Variants in TCF20 observed in about 807,000 individuals in gnomAD.
TCF20 encodes transcription factor 20.
Under a neutral mutation model 148.6 loss-of-function variants are expected in TCF20, and 3 were observed. The observed-to-expected ratio is 0.02, with a 90% CI of 0.01 to 0.05. TCF20 has a LOEUF of 0.05. Among genes scored for constraint, TCF20 ranks in the 10% least tolerant of loss-of-function variants. The pLI, the probability that TCF20 is intolerant of heterozygous loss-of-function variation, is 1.00. For missense variants in TCF20, 2,350 were observed against 2,429.3 expected (o/e 0.97, Z 0.69); for synonymous variants, 1,049 against 909.5 (o/e 1.15, Z -2.76).
At chr22:42,222,604 G>C (rs2147251081) in intron 1 of TCF20, among the ~76,000 whole-genome samples, 2 of 151,952 alleles carry the variant, frequency 1.3e-5, no homozygotes, top group Middle Eastern at 3.4e-3. Flanking sequence ...CTCTCACCTT[G>C]GTCTCAACTT....
intron 2 of TCF20, among the ~76,000 whole-genome samples, chr22:42,195,246 G>A (rs1478898516): frequency 2.0e-5 from 3 of 151,186 alleles, no homozygotes; most frequent in Non-Finnish European, 4.4e-5. Flanking sequence ...TGAAACTCAT[G>A]AACAACAAAG....
chr22:42,226,693 A>C (rs1922932015), intron 1 of TCF20, among the ~76,000 whole-genome samples: 1 of 152,222 alleles, frequency 6.6e-6, no homozygotes. Context: ...TGGGTGACAG[A>C]GTGAGATTCT....
intron 2 of TCF20, among the ~76,000 whole-genome samples, chr22:42,193,038 G>T (rs148992782): frequency 4.3e-4 from 66 of 152,236 alleles, no homozygotes; most frequent in African/African-American, 1.4e-3. Context: ...GAAAGTTTTA[G>T]AACTATTGGT....
At chr22:42,201,152 T>TC (rs1171365663) in intron 2 of TCF20, among the ~76,000 whole-genome samples, 1 of 152,108 alleles carries the variant, frequency 6.6e-6, no homozygotes, top group Non-Finnish European at 1.5e-5. Flanking sequence ...CCCCTCTACC[T>TC]CCCTCCATGA....
chr22:42,284,456 G>A (rs942378090), upstream of TCF20, among the ~76,000 whole-genome samples: 4 of 152,206 alleles, frequency 2.6e-5, no homozygotes, highest in Non-Finnish European at 5.9e-5. Flanking sequence ...GACCAGAGAG[G>A]GCTGCATTTT....
chr22:42,283,985 T>A (rs1926972728), exon 1 of TCF20, among the ~76,000 whole-genome samples: 1 of 152,150 alleles, frequency 6.6e-6, no homozygotes, highest in African/African-American at 2.4e-5. Context: ...GCTCTCAGCC[T>A]CCTCGCGGCT....
chr22:42,174,773 C>G (rs752972540), intron 3 of TCF20, among the ~76,000 whole-genome samples: 1 of 151,714 alleles, frequency 6.6e-6, no homozygotes, highest in Admixed American at 6.6e-5. Flanking sequence ...CGGTGGCTCA[C>G]GCCTGTAATC....
intron 1 of TCF20, among the ~76,000 whole-genome samples, chr22:42,310,842 C>T (rs889723145): frequency 9.2e-5 from 14 of 152,196 alleles, no homozygotes; most frequent in East Asian, 5.8e-4. Context: ...AGGAGGGCCC[C>T]GCAGAGCCTG....
chr22:42,238,713 T>TG (rs1313710249), intron 1 of TCF20, among the ~76,000 whole-genome samples: 1 of 152,196 alleles, frequency 6.6e-6, no homozygotes, highest in East Asian at 1.9e-4. Flanking sequence ...GGTGGTGAGA[T>TG]GGGGGGACAC....
upstream of TCF20, among the ~76,000 whole-genome samples, chr22:42,273,569 T>C (rs914051740): frequency 2.6e-5 from 4 of 151,656 alleles, no homozygotes; most frequent in Admixed American, 1.3e-4. Context: ...TGTTGTTCTC[T>C]CACTGTCTCA....
chr22:42,283,425 G>A (rs1008163602), intron 1 of TCF20, among the ~76,000 whole-genome samples: 7 of 152,106 alleles, frequency 4.6e-5, no homozygotes, highest in Middle Eastern at 3.4e-3. Context: ...CGGAGGGGAC[G>A]GGGGCGGGCA....
chr22:42,328,377 C>T (rs1166899589), intron 1 of TCF20, among the ~76,000 whole-genome samples: 1 of 152,186 alleles, frequency 6.6e-6, no homozygotes, highest in African/African-American at 2.4e-5. Flanking sequence ...CATGTGGCTC[C>T]GAGGTCTAGG....
chr22:42,313,688 C>T (rs573374419), intron 1 of TCF20, among the ~76,000 whole-genome samples: 3 of 151,922 alleles, frequency 2.0e-5, no homozygotes, highest in Admixed American at 6.6e-5. Context: ...CAACCTCCAC[C>T]TCCTGTGTTC....
rs1936203489 is a variant in TCF20, at chr22:42,172,733, G to A, written c.5750-2837C>T. 2.0e-5 allele frequency among the ~76,000 whole-genome samples: 3 copies of A among 152,324 alleles called. No homozygotes were observed. The South Asian group carries it at 6.2e-4, about 32-fold the overall frequency. ...GAGGGAGGTAGGAAAAACAAGAAGG[G>A]TTTAATGTCCTTTGGATCTGTTGTG... is the stretch of plus-strand genomic sequence containing the variant. On this transcript the variant is annotated intron_variant, in intron 3 of 5. Coordinates refer to ENST00000677622, the MANE Select transcript of TCF20 (RefSeq NM_001378418.1).
At chr22:42,222,987 A>C (rs1162465104) in intron 1 of TCF20, among the ~76,000 whole-genome samples, 1 of 152,136 alleles carries the variant, frequency 6.6e-6, no homozygotes, top group East Asian at 1.9e-4. Flanking sequence ...TCTCCACAAA[A>C]AATACAAAAG....
At position 42,290,376 on chromosome 22, in the gene TCF20, C is replaced by G. The variant is rs942251516; in HGVS notation, c.-37+53103G>C. The stretch of plus-strand genomic sequence containing the variant: ...CAGCCAGGGGCTAGCTAATCCCAGC[C>G]AAAACACACGGAATGAGAATCGTTC... On this transcript the variant is annotated intron_variant, in intron 1 of 1. Transcript: ENST00000515426. This position sits in a 1 kb window ranked among gnomAD's most constrained non-coding sequence, Gnocchi z 4.2. Among the ~76,000 whole-genome samples, 1 of 152,234 alleles carries G rather than the reference C, an allele frequency of 6.6e-6. No individual in the cohort carries two copies. Among genetic ancestry groups the G allele is most frequent in the African/African-American group, 2.4e-5 (1 of 41,456 alleles).
upstream of TCF20, among the ~76,000 whole-genome samples, chr22:42,272,506 C>T (rs1348679832): frequency 6.6e-6 from 1 of 152,172 alleles, no homozygotes; most frequent in Non-Finnish European, 1.5e-5. Context: ...CCGGGGGATG[C>T]TGACAATCTG....
intron 2 of TCF20, among the ~76,000 whole-genome samples, chr22:42,180,009 C>T (rs1936694514): frequency 6.6e-6 from 1 of 152,096 alleles, no homozygotes; most frequent in Non-Finnish European, 1.5e-5. Flanking sequence ...CCTCTGGTAC[C>T]CCCGCCATCC....
At chr22:42,293,155 C>T (rs1191723210) in intron 1 of TCF20, among the ~76,000 whole-genome samples, 7 of 152,096 alleles carry the variant, frequency 4.6e-5, no homozygotes, top group Admixed American at 2.0e-4. Context: ...GTGTTGGCCC[C>T]CCAGCCCCTC....
Sources: allele counts gnomAD v4.1 joint callset (sites outside exome capture counted in the v4.1 genomes callset), GRCh38; gene constraint gnomAD v4.1.1; non-coding constraint Gnocchi (gnomAD v3.1); transcripts MANE v1.5; gene names NCBI Gene and HGNC (gene_info 2026-07-23, HGNC 2026-07-21).